The following SGCD variants were observed in gnomAD, a reference collection of about 807,000 sequenced individuals.
The protein encoded by SGCD is sarcoglycan delta.
Under a neutral mutation model 36.6 loss-of-function variants are expected in SGCD, and 18 were observed. That is an observed-to-expected ratio of 0.49 (90% CI 0.34 to 0.73). The LOEUF (loss-of-function observed/expected upper bound fraction) is 0.73. SGCD is among the 30% of genes least tolerant of loss of function. SGCD has a pLI of 0.01. For missense variants in SGCD, 387 were observed against 346.7 expected, an observed-to-expected ratio of 1.12 and a Z score of -0.92; for synonymous variants, 133 against 130.6, an observed-to-expected ratio of 1.02 and a Z score of -0.12.
At chr5:156,604,295 G>A (rs958804063) in intron 6 of SGCD, among the ~76,000 whole-genome samples, 1 of 151,816 alleles carries the variant, frequency 6.6e-6, no homozygotes, top group Non-Finnish European at 1.5e-5. Context: ...AATGAGGTGA[G>A]TCTCTTGTAG....
intron 3 of SGCD, among the ~76,000 whole-genome samples, chr5:156,260,260 G>A (rs1765824641): frequency 6.6e-6 from 1 of 152,066 alleles, no homozygotes. Context: ...ATTAATTTTA[G>A]AATAGTCTTG....
intron 4 of SGCD, among the ~76,000 whole-genome samples, chr5:156,549,672 A>G (rs185686404): frequency 2.5e-4 from 38 of 152,334 alleles, no homozygotes; most frequent in Admixed American, 7.8e-4. Flanking sequence ...CTTTGGTTAC[A>G]TGATCCTCAG....
chr5:156,391,942 A>T (rs1354221140), intron 3 of SGCD, among the ~76,000 whole-genome samples: 4 of 152,246 alleles, frequency 2.6e-5, no homozygotes, highest in Non-Finnish European at 4.4e-5. Flanking sequence ...TTTAATTCAT[A>T]GTTAATGTCT....
chr5:156,154,119 T>C (rs1821242), intron 3 of SGCD, among the ~76,000 whole-genome samples: 110,403 of 151,396 alleles, frequency 0.73, 41,395 homozygotes, highest in East Asian at 0.95. Context: ...CTGCTCTAAT[T>C]TGGAATCCTC....
intron 1 of SGCD, among the ~76,000 whole-genome samples, chr5:155,999,334 C>T (rs1432486384): frequency 2.6e-5 from 4 of 152,202 alleles, no homozygotes; most frequent in African/African-American, 4.8e-5. Context: ...AAATGCCACA[C>T]GGATGGGTTT....
intron 1 of SGCD, among the ~76,000 whole-genome samples, chr5:155,903,324 C>A (rs1168033183): frequency 6.6e-6 from 1 of 152,060 alleles, no homozygotes; most frequent in Non-Finnish European, 1.5e-5. Flanking sequence ...AGGGGAGAAT[C>A]TTTCTGGACT....
At chr5:156,290,296 A>G (rs866773117) in intron 3 of SGCD, among the ~76,000 whole-genome samples, 14 of 152,146 alleles carry the variant, frequency 9.2e-5, no homozygotes, top group African/African-American at 3.4e-4. Flanking sequence ...CCCAAAGCCC[A>G]TGTTCTCAAC....
chr5:156,202,753 C>CTT (rs11324693), intron 3 of SGCD, among the ~76,000 whole-genome samples: 3 of 112,284 alleles, frequency 2.7e-5, no homozygotes, highest in African/African-American at 3.3e-5. Context: ...GCAGAGGTTC[C>CTT]TTTTTTTTTT....
intron 6 of SGCD, among the ~76,000 whole-genome samples, chr5:156,620,550 C>G (rs976304409): frequency 6.6e-6 from 1 of 152,138 alleles, no homozygotes; most frequent in Non-Finnish European, 1.5e-5. Context: ...GAGATCAGGA[C>G]TACAGAGGTG....
intron 1 of SGCD, among the ~76,000 whole-genome samples, chr5:156,103,789 A>G (rs1330736340): frequency 6.6e-6 from 1 of 152,098 alleles, no homozygotes; most frequent in African/African-American, 2.4e-5. Context: ...TGTTGCCATG[A>G]GTCACCTGGA....
In SGCD at chr5:156,135,454, T is replaced by G. The variant is rs149046317; in HGVS notation, c.-44+11435T>G. On this transcript the variant is annotated intron_variant, in intron 3 of 9. Transcript: ENST00000517913. The stretch of plus-strand genomic sequence containing the variant: ...CCTCTTCCCTGTAGCCTTACAGACA[T>G]CACTAATTAATTCTAGCTCAGGAGC... 1.0e-3 allele frequency among the ~76,000 whole-genome samples: 157 copies of G among 152,308 alleles called. 1 individual carries two copies. The highest frequency in any genetic ancestry group is 2.2e-3 in the Admixed American group (33 of 15,300).
chr5:156,759,422 A>G lies in SGCD; in HGVS notation c.*32A>G, dbSNP rs766995956. On this transcript the variant is annotated 3_prime_UTR_variant, in exon 9 of 9. Transcript: ENST00000337851. Reference sequence around the variant, plus strand: ...ATCCATAGTGGACATTGTTGGCAGCATAAAGGCCTTTTTTGGCTTTAGACA... The same window carrying G: ...ATCCATAGTGGACATTGTTGGCAGCGTAAAGGCCTTTTTTGGCTTTAGACA... 15 of 1,529,606 alleles carry G rather than the reference A, an allele frequency of 9.8e-6. No individual in the cohort carries two copies. The highest frequency in any genetic ancestry group is 1.2e-5 in the Non-Finnish European group (14 of 1,130,288). The allele number at this position is 1,529,606 out of a possible 1,614,324, so 94.8% of individuals were successfully genotyped here.
intron 1 of SGCD, among the ~76,000 whole-genome samples, chr5:155,958,658 C>T (rs1274509606): frequency 6.6e-6 from 1 of 152,068 alleles, no homozygotes; most frequent in Non-Finnish European, 1.5e-5. Context: ...ATCTTGGGGT[C>T]AGAACAGTAT....
chr5:156,261,897 A>C (rs1280957418), intron 3 of SGCD, among the ~76,000 whole-genome samples: 1 of 152,244 alleles, frequency 6.6e-6, no homozygotes, highest in Non-Finnish European at 1.5e-5. Context: ...TTTAAAAACA[A>C]AAGCTTACAG....
At chr5:156,004,270 T>A (rs927371961) in intron 1 of SGCD, among the ~76,000 whole-genome samples, 3 of 152,162 alleles carry the variant, frequency 2.0e-5, no homozygotes, top group African/African-American at 7.2e-5. Context: ...ATAAGTATTA[T>A]CCAAAATGTA....
At chr5:156,625,143 A>G (rs1035160860) in intron 6 of SGCD, among the ~76,000 whole-genome samples, 1 of 152,188 alleles carries the variant, frequency 6.6e-6, no homozygotes, top group African/African-American at 2.4e-5. Flanking sequence ...CCCCCTCCCC[A>G]GCACCATAGG....
intron 4 of SGCD, among the ~76,000 whole-genome samples, chr5:156,572,911 GTC>G (rs1759780342): frequency 1.3e-5 from 2 of 152,038 alleles, no homozygotes; most frequent in East Asian, 1.9e-4. Context: ...CACTCCTCTT[GTC>G]TCTCTTTTGA....
In SGCD at chr5:156,487,813, A is replaced by AAAAAAAAAAAAAAAAAAAAAAAAG. The variant is rs1554107842; in HGVS notation, c.193-20785_193-20784insAAAAAAAAAAAAAAAAAAAAGAAA. On this transcript the variant is annotated intron_variant, in intron 3 of 8. Transcript: ENST00000337851. ...CAAAAAAAAAAAAAAAAAAAAAAAA[A>AAAAAAAAAAAAAAAAAAAAAAAAG]AAAGAAAGAAAGAAAAAGCTTAACA... Among the ~76,000 whole-genome samples, 4 of 77,798 alleles carry AAAAAAAAAAAAAAAAAAAAAAAAG rather than the reference A, an allele frequency of 5.1e-5. 1 individual carries two copies. The highest frequency in any genetic ancestry group is 8.7e-5 in the African/African-American group (2 of 22,948). The allele number at this position is 77,798 out of a possible 152,430, so 51.0% of individuals were successfully genotyped here. A position where few individuals can be genotyped will look rare whatever the true frequency, so the allele number is the denominator to read the frequency against.
the SGCD span, among the ~76,000 whole-genome samples, chr5:155,765,296 G>A: frequency 6.8e-6 from 1 of 146,030 alleles, no homozygotes; most frequent in Non-Finnish European, 1.5e-5. Context: ...GAAAGAGAAA[G>A]AAAGAAAGAA....
Sources: gnomAD v4.1 joint callset for allele counts (sites outside exome capture counted in the v4.1 genomes callset) on GRCh38, gnomAD v4.1.1 for gene constraint, MANE v1.5 for transcripts, NCBI Gene and HGNC (gene_info 2026-07-23, HGNC 2026-07-21) for gene names.